The following MGAT4C variants were observed in gnomAD, a reference collection of about 807,000 sequenced individuals.
MGAT4C encodes the protein MGAT4 family member C, also known as alpha-1,3-mannosyl-glycoprotein 4-beta-N-acetylglucosaminyltransferase C.
A neutral mutation model predicts 40.1 loss-of-function variants in MGAT4C; 19 were observed. That is an observed-to-expected ratio of 0.47 (90% confidence interval 0.33 to 0.70). The LOEUF is 0.70. Among genes scored for constraint, MGAT4C ranks in the 30% least tolerant of loss-of-function variants. The pLI, the probability that MGAT4C is intolerant of heterozygous loss-of-function variation, is 0.02. For missense variants in MGAT4C, 491 were observed against 563.2 expected (o/e 0.87, Z 1.30); for synonymous variants, 181 against 187.1 (o/e 0.97, Z 0.27).
chr12:86,180,523 G>T (rs1053106301), intron 1 of MGAT4C, among the ~76,000 whole-genome samples: 5 of 152,178 alleles, frequency 3.3e-5, no homozygotes, highest in African/African-American at 1.2e-4. Context: ...GAGGGAGGCT[G>T]TACCTTGTAA....
At chr12:86,478,828 A>C (rs1957885316) in intron 2 of MGAT4C, among the ~76,000 whole-genome samples, 1 of 152,086 alleles carries the variant, frequency 6.6e-6, no homozygotes. Context: ...AGCTTCTCAG[A>C]TCTATCCAAC....
At chr12:86,310,479 A>T (rs1480935403) in intron 4 of MGAT4C, among the ~76,000 whole-genome samples, 1 of 152,124 alleles carries the variant, frequency 6.6e-6, no homozygotes, top group African/African-American at 2.4e-5. Flanking sequence ...TCAGAAGCTG[A>T]AATCTAAATT....
intron 3 of MGAT4C, among the ~76,000 whole-genome samples, chr12:86,343,428 T>C (rs1163382028): frequency 1.3e-5 from 2 of 152,214 alleles, no homozygotes; most frequent in East Asian, 3.8e-4. Flanking sequence ...CATTTTTAGT[T>C]ATTTGAGCAT....
chr12:86,576,868 G>C (rs1046496818), intron 2 of MGAT4C, among the ~76,000 whole-genome samples: 2 of 151,606 alleles, frequency 1.3e-5, no homozygotes, highest in African/African-American at 4.8e-5. Context: ...GAATATCATT[G>C]GTATTTTCAT....
At chr12:86,352,222 C>T (rs1387537534) in intron 3 of MGAT4C, among the ~76,000 whole-genome samples, 1 of 151,950 alleles carries the variant, frequency 6.6e-6, no homozygotes, top group Non-Finnish European at 1.5e-5. Context: ...TCTTATTTAA[C>T]TTGACATGCT....
At chr12:86,397,002 C>G in intron 3 of MGAT4C, among the ~76,000 whole-genome samples, 1 of 40,446 alleles carries the variant, frequency 2.5e-5, no homozygotes, top group Non-Finnish European at 4.8e-5. Flanking sequence ...CCCAAACTAC[C>G]AAAACCTACA....
intron 3 of MGAT4C, among the ~76,000 whole-genome samples, chr12:86,418,057 A>T (rs1956751013): frequency 6.6e-6 from 1 of 152,142 alleles, no homozygotes; most frequent in African/African-American, 2.4e-5. Context: ...ATTTGAATAA[A>T]TTTTGTAAAT....
Position 86,354,466 on chromosome 12 carries a change from T to C in MGAT4C, c.-119-20339A>G, listed in dbSNP as rs1290706540. Among the ~76,000 whole-genome samples the C allele has an allele frequency of 2.6e-5, 4 of 152,258 alleles. No individual in the cohort carries two copies. The East Asian group carries it at 5.8e-4, about 22-fold the overall frequency. On this transcript the variant is annotated intron_variant, in intron 3 of 7. Transcript: ENST00000548651. Reference sequence around the variant, plus strand: ...TTATTAGTAGACTTTAAAGCAGATATTATAAATGCGTCTCGATGAAGGCAA... The same window carrying C: ...TTATTAGTAGACTTTAAAGCAGATACTATAAATGCGTCTCGATGAAGGCAA...
At chr12:86,070,070 T>A (rs1266861356) in intron 1 of MGAT4C, among the ~76,000 whole-genome samples, 11 of 151,776 alleles carry the variant, frequency 7.2e-5, no homozygotes, top group South Asian at 2.1e-4. Context: ...GAGGTCCCGA[T>A]GTAGGAACTT....
intron 1 of MGAT4C, among the ~76,000 whole-genome samples, chr12:86,138,543 A>G (rs1882344548): frequency 6.8e-6 from 1 of 147,902 alleles, no homozygotes; most frequent in Non-Finnish European, 1.5e-5. Flanking sequence ...ATATATTTCC[A>G]TAGATATATC....
intron 4 of MGAT4C, among the ~76,000 whole-genome samples, chr12:86,305,443 GAAAAA>G (rs5799778): frequency 7.5e-6 from 1 of 133,360 alleles, no homozygotes; most frequent in African/African-American, 3.1e-5. Flanking sequence ...CCGTCTCAAA[GAAAAA>G]AAAAAAAAAA....
At chr12:86,409,528 C>A (rs1024982489) in intron 3 of MGAT4C, among the ~76,000 whole-genome samples, 3 of 152,094 alleles carry the variant, frequency 2.0e-5, no homozygotes, top group Admixed American at 2.0e-4. Context: ...AAAGTTTGCA[C>A]AAAAGACATC....
At chr12:86,691,958 GATAAAT>G (rs1161770853) in intron 2 of MGAT4C, among the ~76,000 whole-genome samples, 1 of 152,076 alleles carries the variant, frequency 6.6e-6, no homozygotes, top group Admixed American at 6.6e-5. Flanking sequence ...ATTAAGAACT[GATAAAT>G]ATAATTACTT....
intron 2 of MGAT4C, among the ~76,000 whole-genome samples, chr12:86,581,780 T>C (rs969094388): frequency 6.6e-6 from 1 of 151,444 alleles, no homozygotes. Context: ...AACACTCTTA[T>C]CTAATCTCAG....
intron 1 of MGAT4C, among the ~76,000 whole-genome samples, chr12:86,810,725 T>A (rs1454644887): frequency 6.6e-6 from 1 of 151,980 alleles, no homozygotes; most frequent in Non-Finnish European, 1.5e-5. Flanking sequence ...GTAGTTGATC[T>A]TCTAATATTT....
chr12:86,490,351 T>C (rs1958108460), intron 2 of MGAT4C, among the ~76,000 whole-genome samples: 1 of 151,886 alleles, frequency 6.6e-6, no homozygotes, highest in Non-Finnish European at 1.5e-5. Context: ...AGAAATAAAA[T>C]ACTTTATAGA....
rs1437221328 is a variant in MGAT4C, at chr12:85,973,664, A to G, written c.*5625T>C. 6.6e-6 allele frequency: 1 copy of G among 150,838 alleles called. No individual in the cohort carries two copies. Among genetic ancestry groups the G allele is most frequent in the South Asian group, 2.1e-4 (1 of 4,826 alleles). The allele number at this position is 150,838 out of a possible 1,614,324, so 9.3% of individuals were successfully genotyped here. On this transcript the variant is annotated 3_prime_UTR_variant, in exon 5 of 5. Coordinates refer to ENST00000611864, the MANE Select transcript of MGAT4C (RefSeq NM_001351288.2). ...TAATGTGAAAATTTGATCATGCTAT[A>G]TTCTTAATTTAATTGTACTTCTATG...
At chr12:86,376,204 G>C (rs541259514) in intron 3 of MGAT4C, among the ~76,000 whole-genome samples, 18 of 140,774 alleles carry the variant, frequency 1.3e-4, no homozygotes, top group African/African-American at 3.7e-4. Flanking sequence ...GAGAGACATG[G>C]AGATAACACA....
chr12:86,750,100 T>G (rs542392822), intron 1 of MGAT4C, among the ~76,000 whole-genome samples: 1 of 151,968 alleles, frequency 6.6e-6, no homozygotes, highest in South Asian at 2.1e-4. Flanking sequence ...GGAAGATTCT[T>G]GAGAAGAGTC....
Sources: gnomAD v4.1 joint callset for allele counts (sites outside exome capture counted in the v4.1 genomes callset) on GRCh38, gnomAD v4.1.1 for gene constraint, MANE v1.5 for transcripts, NCBI Gene and HGNC (gene_info 2026-07-23, HGNC 2026-07-21) for gene names.